The following SMYD3 variants were observed in gnomAD, a reference collection of about 807,000 sequenced individuals.
SMYD3 encodes histone-lysine N-methyltransferase SMYD3.
In SMYD3, 36 loss-of-function variants were observed where a neutral mutation model predicts 57.7. That is an observed-to-expected ratio of 0.62 (90% CI 0.48 to 0.82). The LOEUF is 0.82. SMYD3 is among the 40% of genes least tolerant of loss of function. The pLI is 0.00. For missense variants in SMYD3, 515 were observed against 538.8 expected, an observed-to-expected ratio of 0.96 and a Z score of 0.44; for synonymous variants, 211 against 195.0, an observed-to-expected ratio of 1.08 and a Z score of -0.68.
At chr1:245,923,646 G>A (rs1180898002) in intron 7 of SMYD3, among the ~76,000 whole-genome samples, 1 of 152,158 alleles carries the variant, frequency 6.6e-6, no homozygotes, top group Admixed American at 6.5e-5. Flanking sequence ...GATCCTTTCA[G>A]AGTCTAGGAG....
chr1:246,243,451 T>C (rs1406447554), intron 5 of SMYD3, among the ~76,000 whole-genome samples: 1 of 143,370 alleles, frequency 7.0e-6, no homozygotes, highest in Non-Finnish European at 1.5e-5. Context: ...TTCAGCTTTG[T>C]GAATAATGTT....
intron 10 of SMYD3, among the ~76,000 whole-genome samples, chr1:245,779,566 T>TA (rs2046750106): frequency 6.6e-6 from 1 of 152,148 alleles, no homozygotes; most frequent in Non-Finnish European, 1.5e-5. Context: ...AATCCCTACT[T>TA]AGAGCTCAAA....
intron 5 of SMYD3, among the ~76,000 whole-genome samples, chr1:246,183,019 A>C (rs376837267): frequency 1.6e-4 from 24 of 152,314 alleles, no homozygotes; most frequent in East Asian, 9.6e-4. Flanking sequence ...TAGCAGATTA[A>C]ATAATTGTAA....
intron 8 of SMYD3, among the ~76,000 whole-genome samples, chr1:245,876,081 C>A (rs2052471276): frequency 6.6e-6 from 1 of 152,200 alleles, no homozygotes; most frequent in African/African-American, 2.4e-5. Flanking sequence ...AGAGAGCTTA[C>A]TTCCTCCCCT....
At chr1:245,797,678 A>G (rs1288171123) in intron 10 of SMYD3, among the ~76,000 whole-genome samples, 3 of 151,922 alleles carry the variant, frequency 2.0e-5, no homozygotes, top group Non-Finnish European at 4.4e-5. Flanking sequence ...GTATAATTAT[A>G]TATAGATAGA....
chr1:246,219,191 C>T (rs1488828848), intron 5 of SMYD3, among the ~76,000 whole-genome samples: 2 of 152,226 alleles, frequency 1.3e-5, no homozygotes, highest in Admixed American at 6.5e-5. Context: ...TCCCTGTTTC[C>T]CTGCTTGAAT....
rs114911920 is a variant in SMYD3, at chr1:246,061,932, T to C, written c.532-131995A>G. On this transcript the variant is annotated intron_variant, in intron 5 of 11. Coordinates refer to ENST00000490107, the MANE Select transcript of SMYD3 (RefSeq NM_001167740.2). The stretch of plus-strand genomic sequence containing the variant: ...AAGATTGAATTCTTATTTTTCTTCA[T>C]GGAGGGAAAAAAGGCCACAACGTTA... Among the ~76,000 whole-genome samples, 200 of 151,956 alleles carry C rather than the reference T, an allele frequency of 1.3e-3. 2 individuals are homozygous for C. Among genetic ancestry groups the C allele is most frequent in the Non-Finnish European group, 6.5e-4 (44 of 67,988 alleles).
In SMYD3 at chr1:245,858,210, C is replaced by T. The variant is rs528092833; in HGVS notation, c.1076+286G>A. 7.2e-5 allele frequency among the ~76,000 whole-genome samples: 11 copies of T among 152,286 alleles called. No homozygotes were observed. In the East Asian group the frequency reaches 1.4e-3, roughly 19 times the overall value. ...CTGAGCCCGTCTTTGTCACTGCAAGCGCCACATCGTATTGTAATCATCTGC... is the reference window on the plus strand; with the variant it reads ...CTGAGCCCGTCTTTGTCACTGCAAGTGCCACATCGTATTGTAATCATCTGC... On this transcript the variant is annotated intron_variant, in intron 10 of 11. Coordinates refer to ENST00000490107, the MANE Select transcript of SMYD3 (RefSeq NM_001167740.2).
At chr1:246,435,326 A>T (rs1490250782) in intron 1 of SMYD3, among the ~76,000 whole-genome samples, 1 of 151,524 alleles carries the variant, frequency 6.6e-6, no homozygotes, top group Non-Finnish European at 1.5e-5. Context: ...AGTTGAAATT[A>T]TTTTTTTTTA....
intron 10 of SMYD3, among the ~76,000 whole-genome samples, chr1:245,796,277 T>C (rs1009521280): frequency 6.6e-6 from 1 of 152,210 alleles, no homozygotes; most frequent in Non-Finnish European, 1.5e-5. Context: ...AAATAAAATA[T>C]AATAAAACCT....
rs770295444 is a variant in SMYD3, at chr1:245,764,020, G to A, written c.1185+21C>T. 7.0e-5 allele frequency: 109 copies of A among 1,568,130 alleles called. 1 individual carries two copies. Among genetic ancestry groups the A allele is most frequent in the Admixed American group, 2.0e-4 (12 of 59,964 alleles). On this transcript the variant is annotated intron_variant, in intron 11 of 11. Coordinates refer to ENST00000490107, the MANE Select transcript of SMYD3 (RefSeq NM_001167740.2). The stretch of plus-strand genomic sequence containing the variant: ...AAAAAAGGATGCCAGGCAGAACTAT[G>A]TGAGATCTTGGCACACTCACCAGTC...
intron 5 of SMYD3, among the ~76,000 whole-genome samples, chr1:245,987,586 T>C (rs2058728712): frequency 2.0e-5 from 3 of 152,254 alleles, no homozygotes; most frequent in African/African-American, 4.8e-5. Context: ...TTTTCTTAAC[T>C]TATTCCTCAC....
chr1:246,115,909 C>T (rs7550144), intron 5 of SMYD3, among the ~76,000 whole-genome samples: 4,117 of 151,924 alleles, frequency 0.027, 177 homozygotes, highest in African/African-American at 0.093. Flanking sequence ...GAGGCCAAGG[C>T]GGGCAGATCA....
At chr1:246,063,127 T>C (rs1466395570) in intron 5 of SMYD3, among the ~76,000 whole-genome samples, 4 of 152,068 alleles carry the variant, frequency 2.6e-5, no homozygotes, top group African/African-American at 9.7e-5. Flanking sequence ...ACAGCTGCAG[T>C]TTATTACAGG....
intron 5 of SMYD3, among the ~76,000 whole-genome samples, chr1:246,115,394 C>T (rs536992794): frequency 6.6e-6 from 1 of 152,318 alleles, no homozygotes; most frequent in South Asian, 2.1e-4. Flanking sequence ...CTAAATACTG[C>T]TCTGGTCCCA....
rs143967247 is a variant in SMYD3, at chr1:246,379,113, C to CACACACAT, written c.165-24020_165-24019insATGTGTGT. Reference sequence around the variant, plus strand: ...ACACACACACACACACACACACACACATATATTCCATTACTTCTGTCCCTC... The same window carrying CACACACAT: ...ACACACACACACACACACACACACACACACACATATATATTCCATTACTTCTGTCCCTC... On this transcript the variant is annotated intron_variant, in intron 1 of 11. Transcript: ENST00000490107. Among the ~76,000 whole-genome samples, 1,155 of 139,930 alleles carry CACACACAT rather than the reference C, an allele frequency of 8.3e-3. 11 individuals are homozygous for CACACACAT. Among genetic ancestry groups the CACACACAT allele is most frequent in the South Asian group, 0.016 (70 of 4,468 alleles). The allele number at this position is 139,930 out of a possible 152,430, so 91.8% of individuals were successfully genotyped here.
intron 5 of SMYD3, chr1:245,953,213 G>A: frequency 2.0e-6 from 2 of 998,194 alleles, no homozygotes; most frequent in Non-Finnish European, 2.4e-6. Context: ...TCTGGAGAAA[G>A]AAACAAAGCA....
chr1:246,278,117 T>C (rs930346076), intron 5 of SMYD3, among the ~76,000 whole-genome samples: 43 of 152,080 alleles, frequency 2.8e-4, no homozygotes, highest in African/African-American at 9.6e-4. Flanking sequence ...AACCAACAAC[T>C]GGGATTTTCA....
chr1:246,506,555 GC>G (rs1450064713), intron 1 of SMYD3, among the ~76,000 whole-genome samples: 4 of 152,152 alleles, frequency 2.6e-5, no homozygotes, highest in Non-Finnish European at 2.9e-5. Context: ...CCACAGAGGT[GC>G]ACCGTAGACA....
Sources: gnomAD v4.1 joint callset for allele counts (sites outside exome capture counted in the v4.1 genomes callset) on GRCh38, gnomAD v4.1.1 for gene constraint, MANE v1.5 for transcripts, NCBI Gene and HGNC (gene_info 2026-07-23, HGNC 2026-07-21) for gene names.